LYPLA1: variants seen among roughly 807,000 people sequenced by gnomAD.
The protein encoded by LYPLA1 is acyl-protein thioesterase 1.
In LYPLA1, 17 loss-of-function variants were observed where a neutral mutation model predicts 34.0. That is an observed-to-expected ratio of 0.50 (90% CI 0.34 to 0.75). The LOEUF (loss-of-function observed/expected upper bound fraction) is 0.75, where lower values mean the gene tolerates loss of function less well. LYPLA1 is among the 30% of genes least tolerant of loss of function. The probability of loss-of-function intolerance (pLI) is 0.01; values close to 1 mark genes in which losing one functional copy is unlikely to be tolerated. For missense variants in LYPLA1, 203 were observed against 288.8 expected, an observed-to-expected ratio of 0.70 and a Z score of 2.15; for synonymous variants, 98 against 100.8, an observed-to-expected ratio of 0.97 and a Z score of 0.17.
At chr8:54,084,268 G>C (rs1171751226) in intron 2 of LYPLA1, among the ~76,000 whole-genome samples, 1 of 148,492 alleles carries the variant, frequency 6.7e-6, no homozygotes, top group East Asian at 2.0e-4. Flanking sequence ...ATAAAAACTA[G>C]AGTGGAAATA....
intron 2 of LYPLA1, among the ~76,000 whole-genome samples, chr8:54,069,144 A>G (rs1243018029): frequency 2.0e-5 from 3 of 152,238 alleles, no homozygotes; most frequent in Admixed American, 6.5e-5. Context: ...ATGGCTATCA[A>G]TATAATGATG....
intron 2 of LYPLA1, among the ~76,000 whole-genome samples, chr8:54,099,672 AC>A (rs1809962038): frequency 1.3e-5 from 2 of 151,766 alleles, no homozygotes; most frequent in African/African-American, 4.8e-5. Flanking sequence ...AAACAAACAA[AC>A]AAAAATCTAG....
At chr8:54,089,086 T>C (rs1586168445) in intron 2 of LYPLA1, among the ~76,000 whole-genome samples, 1 of 152,204 alleles carries the variant, frequency 6.6e-6, no homozygotes, top group Non-Finnish European at 1.5e-5. Flanking sequence ...CAGATGAATG[T>C]TGGGTTTCTT....
At chr8:54,069,382 G>GT (rs1431141117) in intron 2 of LYPLA1, among the ~76,000 whole-genome samples, 2 of 152,008 alleles carry the variant, frequency 1.3e-5, no homozygotes, top group Non-Finnish European at 2.9e-5. Context: ...GAACAATTAT[G>GT]TATCAACTAA....
intron 5 of LYPLA1, among the ~76,000 whole-genome samples, chr8:54,059,099 G>A (rs776575795): frequency 3.9e-5 from 6 of 152,134 alleles, no homozygotes; most frequent in Admixed American, 1.3e-4. Context: ...TGAGGCCCAC[G>A]TATCTTCTTC....
intron 5 of LYPLA1, among the ~76,000 whole-genome samples, chr8:54,057,676 G>T (rs1806308971): frequency 6.6e-6 from 1 of 152,134 alleles, no homozygotes; most frequent in Non-Finnish European, 1.5e-5. Context: ...GGTAGAAGGG[G>T]GCTGGAGGTG....
intron 8 of LYPLA1, among the ~76,000 whole-genome samples, chr8:54,049,175 C>T (rs1224447307): frequency 6.6e-6 from 1 of 152,180 alleles, no homozygotes; most frequent in African/African-American, 2.4e-5. Flanking sequence ...TTTCTCCGTC[C>T]CTAAATTATT....
chr8:54,083,022 G>A (rs1466440938), intron 2 of LYPLA1, among the ~76,000 whole-genome samples: 6 of 152,058 alleles, frequency 3.9e-5, no homozygotes, highest in Admixed American at 2.6e-4. Context: ...CACCGCACCC[G>A]GTCTCATTGT....
At chr8:54,078,886 CCT>C (rs1563628527) in intron 2 of LYPLA1, among the ~76,000 whole-genome samples, 1 of 148,450 alleles carries the variant, frequency 6.7e-6, no homozygotes, top group Non-Finnish European at 1.5e-5. Flanking sequence ...CAACCCCCCC[CCT>C]TTTTTTTTGC....
At chr8:54,100,648 C>G in intron 2 of LYPLA1, 1 of 450,764 alleles carries the variant, frequency 2.2e-6, no homozygotes, top group South Asian at 2.3e-5. Context: ...TCTCTGGTAT[C>G]CAATACCCAA....
rs187575490 is a variant in LYPLA1, at chr8:54,101,351, T to C, written c.69+404A>G. ...TTTCTAAAAAACAGTACGTCTGACC[T>C]TGTAGGACACTCAATCTTCAAACTT... On this transcript the variant is annotated intron_variant, in intron 1 of 8. Coordinates refer to ENST00000316963, the MANE Select transcript of LYPLA1 (RefSeq NM_006330.4). The C allele has an allele frequency of 1.2e-4, 129 of 1,061,046 alleles. No homozygotes were observed. In the African/African-American group the frequency reaches 1.8e-3, roughly 15 times the overall value. 65.7% of individuals were successfully genotyped at this position (1,061,046 alleles called of 1,614,324 possible). A position where few individuals can be genotyped will look rare whatever the true frequency, so the allele number is the denominator to read the frequency against.
rs888133850 is a variant in LYPLA1, at chr8:54,046,435, CAT to C, written c.*1628_*1629del. 1.3e-5 allele frequency: 2 copies of C among 152,546 alleles called. No homozygotes were observed. The highest frequency in any genetic ancestry group is 4.8e-5 in the African/African-American group (2 of 41,422). The allele number at this position is 152,546 out of a possible 1,614,324, so 9.4% of individuals were successfully genotyped here. A position where few individuals can be genotyped will look rare whatever the true frequency, so the allele number is the denominator to read the frequency against. ...ACCATGAAAAACATTTACACTTTCC[CAT>C]GTTACAGCACAATATTTCAATGGAA... On this transcript the variant is annotated 3_prime_UTR_variant, in exon 9 of 9. Coordinates refer to ENST00000316963, the MANE Select transcript of LYPLA1 (RefSeq NM_006330.4).
downstream of LYPLA1, chr8:54,045,069 G>A (rs1188141581): frequency 6.6e-6 from 1 of 152,154 alleles, no homozygotes; most frequent in Non-Finnish European, 1.5e-5. Context: ...TTGAATCCTG[G>A]CTCTTGCACA....
chr8:54,044,022 G>T (rs986266296), downstream of LYPLA1, among the ~76,000 whole-genome samples: 1 of 152,110 alleles, frequency 6.6e-6, no homozygotes, highest in Non-Finnish European at 1.5e-5. Context: ...ATCCCAAGTA[G>T]CTGGGATTAC....
At chr8:54,096,486 C>T (rs898980446) in intron 2 of LYPLA1, among the ~76,000 whole-genome samples, 1 of 152,120 alleles carries the variant, frequency 6.6e-6, no homozygotes, top group Non-Finnish European at 1.5e-5. Context: ...CGCCTGTAAT[C>T]CCAGCACTTT....
intron 5 of LYPLA1, among the ~76,000 whole-genome samples, chr8:54,056,681 G>A (rs989624529): frequency 2.0e-5 from 3 of 152,178 alleles, no homozygotes; most frequent in Non-Finnish European, 2.9e-5. Context: ...TTGGGAGACC[G>A]AGGAGGGTGG....
intron 2 of LYPLA1, among the ~76,000 whole-genome samples, chr8:54,082,310 C>T (rs1808382448): frequency 6.6e-6 from 1 of 152,184 alleles, no homozygotes; most frequent in Non-Finnish European, 1.5e-5. Context: ...CATACATACG[C>T]ACCATAGTAT....
At chr8:54,073,317 GA>G (rs35641188) in intron 2 of LYPLA1, 6 of 866,370 alleles carry the variant, frequency 6.9e-6, no homozygotes, top group Non-Finnish European at 1.2e-5. Context: ...TCTATGGACG[GA>G]ACTGTGAGCA....
intron 2 of LYPLA1, among the ~76,000 whole-genome samples, chr8:54,074,252 C>T (rs868346748): frequency 2.0e-5 from 3 of 152,130 alleles, no homozygotes; most frequent in African/African-American, 4.8e-5. Flanking sequence ...CCAGCCTGGG[C>T]GACAGAGCCT....
Sources: gnomAD v4.1 joint callset for allele counts (sites outside exome capture counted in the v4.1 genomes callset) on GRCh38, gnomAD v4.1.1 for gene constraint, MANE v1.5 for transcripts, NCBI Gene and HGNC (gene_info 2026-07-23, HGNC 2026-07-21) for gene names.